The following SNTG1 variants were observed in gnomAD, a reference collection of about 807,000 sequenced individuals.
SNTG1 encodes the protein syntrophin gamma 1.
SNTG1 carries 39 observed loss-of-function variants against 74.7 expected under a neutral mutation model. The observed-to-expected ratio is 0.52, with a 90% CI of 0.40 to 0.68. The LOEUF (loss-of-function observed/expected upper bound fraction) is 0.68, where lower values mean the gene tolerates loss of function less well. Ranked by LOEUF, SNTG1 falls within the 30% of genes least tolerant of loss-of-function variation. The pLI is 0.00. For synonymous variants in SNTG1, 254 were observed against 217.1 expected, an observed-to-expected ratio of 1.17 and a Z score of -1.49; for missense variants, 685 against 609.5, an observed-to-expected ratio of 1.12 and a Z score of -1.30.
chr8:50,428,739 T>G (rs1256613432), intron 4 of SNTG1, among the ~76,000 whole-genome samples: 4 of 152,126 alleles, frequency 2.6e-5, no homozygotes, highest in African/African-American at 9.7e-5. Flanking sequence ...GTGCTGTAAA[T>G]GTGATCTGTA....
At position 50,391,081 on chromosome 8, in the gene SNTG1, G is replaced by T. The variant is rs139209831; in HGVS notation, c.-27-3131G>T. ...CTTTATTTCTTTCTTCTGTCTGATTGCCCTGGCCAGAACTTCCAACACTGT... is the reference window on the plus strand; with the variant it reads ...CTTTATTTCTTTCTTCTGTCTGATTTCCCTGGCCAGAACTTCCAACACTGT... On this transcript the variant is annotated intron_variant, in intron 2 of 18. Coordinates refer to ENST00000642720, the MANE Select transcript of SNTG1 (RefSeq NM_018967.5). Among the ~76,000 whole-genome samples, 1,423 of 152,040 alleles carry T rather than the reference G, an allele frequency of 9.4e-3. 27 individuals carry two copies. The highest frequency in any genetic ancestry group is 0.033 in the African/African-American group (1,349 of 41,444).
chr8:50,226,038 A>G (rs2085311972), intron 2 of SNTG1, among the ~76,000 whole-genome samples: 1 of 152,248 alleles, frequency 6.6e-6, no homozygotes, highest in Non-Finnish European at 1.5e-5. Context: ...AACAAAATGA[A>G]CACAATAGAA....
intron 1 of SNTG1, among the ~76,000 whole-genome samples, chr8:49,978,057 C>G (rs543005969): frequency 6.6e-6 from 1 of 152,292 alleles, no homozygotes; most frequent in South Asian, 2.1e-4. Context: ...GGGCCTGTTG[C>G]CAACCCAGCT....
chr8:50,765,936 A>G lies in SNTG1; in HGVS notation c.1395+13825A>G, dbSNP rs547411858. ...ATAAGAGTAGATTTTATATGAGTAA[A>G]CAATACTGAGGAATTTACGTGGCTT... On this transcript the variant is annotated intron_variant, in intron 18 of 18. Transcript: ENST00000642720. 2.6e-5 allele frequency among the ~76,000 whole-genome samples: 4 copies of G among 152,106 alleles called. No homozygotes were observed. In the East Asian group the frequency reaches 7.8e-4, roughly 30 times the overall value.
At chr8:50,351,000 C>T (rs1210981003) in intron 2 of SNTG1, among the ~76,000 whole-genome samples, 2 of 152,212 alleles carry the variant, frequency 1.3e-5, no homozygotes, top group Non-Finnish European at 2.9e-5. Context: ...GGTGCTCACT[C>T]TTTGGGTCCA....
intron 17 of SNTG1, among the ~76,000 whole-genome samples, chr8:50,727,554 A>C (rs2095503115): frequency 2.6e-5 from 4 of 152,112 alleles, no homozygotes; most frequent in Admixed American, 2.6e-4. Flanking sequence ...TTGGATTCTC[A>C]CTGGCCCTGG....
intron 2 of SNTG1, among the ~76,000 whole-genome samples, chr8:50,296,608 T>G (rs2089387448): frequency 1.3e-5 from 2 of 151,962 alleles, no homozygotes; most frequent in African/African-American, 4.8e-5. Flanking sequence ...CTGGGGCCTG[T>G]CAGGAGGATG....
intron 2 of SNTG1, among the ~76,000 whole-genome samples, chr8:50,374,589 T>C (rs183082489): frequency 7.2e-5 from 11 of 152,304 alleles, no homozygotes; most frequent in African/African-American, 2.6e-4. Context: ...ACTGTAGTAA[T>C]TAGTTAGCTT....
intron 1 of SNTG1, among the ~76,000 whole-genome samples, chr8:49,951,622 C>A (rs1166404623): frequency 7.5e-6 from 1 of 133,724 alleles, no homozygotes; most frequent in African/African-American, 2.7e-5. Flanking sequence ...GTGGGGGGAG[C>A]GGGGAGGGAT....
chr8:50,418,148 T>C (rs1421993454), intron 4 of SNTG1, among the ~76,000 whole-genome samples: 1 of 152,172 alleles, frequency 6.6e-6, no homozygotes, highest in Non-Finnish European at 1.5e-5. Flanking sequence ...AGCAAAGCCA[T>C]TGAAGTGATT....
chr8:50,586,445 C>A (rs763752621), intron 12 of SNTG1, among the ~76,000 whole-genome samples: 3 of 152,078 alleles, frequency 2.0e-5, no homozygotes, highest in Admixed American at 6.5e-5. Context: ...CATTTTAGCT[C>A]CTGTGTTGAA....
chr8:50,080,308 G>C (rs1822288808), intron 1 of SNTG1, among the ~76,000 whole-genome samples: 1 of 152,058 alleles, frequency 6.6e-6, no homozygotes. Flanking sequence ...CAGTTTTAGA[G>C]TATACCATAT....
At chr8:50,406,921 C>G (rs1034141331) in intron 4 of SNTG1, among the ~76,000 whole-genome samples, 2 of 152,108 alleles carry the variant, frequency 1.3e-5, no homozygotes, top group South Asian at 4.1e-4. Flanking sequence ...CTGAGGAAAG[C>G]CAATCTACAA....
At chr8:50,067,625 A>G (rs1036942865) in intron 1 of SNTG1, among the ~76,000 whole-genome samples, 2 of 152,172 alleles carry the variant, frequency 1.3e-5, no homozygotes, top group African/African-American at 4.8e-5. Flanking sequence ...TTAGGTAGTT[A>G]TGACTCATGT....
intron 15 of SNTG1, among the ~76,000 whole-genome samples, chr8:50,660,699 T>C (rs1294725610): frequency 6.6e-6 from 1 of 152,138 alleles, no homozygotes; most frequent in Non-Finnish European, 1.5e-5. Flanking sequence ...TTTTAAATCC[T>C]CTCTTTTAAA....
intron 1 of SNTG1, among the ~76,000 whole-genome samples, chr8:50,131,617 C>T (rs559014210): frequency 6.6e-6 from 1 of 152,172 alleles, no homozygotes; most frequent in African/African-American, 2.4e-5. Flanking sequence ...CATATCTTGG[C>T]TATTGTGAAT....
At chr8:50,671,020 T>G (rs1284014641) in intron 15 of SNTG1, among the ~76,000 whole-genome samples, 4 of 150,676 alleles carry the variant, frequency 2.7e-5, no homozygotes, top group African/African-American at 4.9e-5. Flanking sequence ...ATCCCTTCCT[T>G]ACACCTTATA....
intron 12 of SNTG1, among the ~76,000 whole-genome samples, chr8:50,564,464 G>C (rs573168253): frequency 3.7e-4 from 57 of 152,138 alleles, no homozygotes; most frequent in African/African-American, 1.3e-3. Flanking sequence ...TTCAAAGTTT[G>C]AATAGTTATT....
intron 2 of SNTG1, among the ~76,000 whole-genome samples, chr8:50,213,536 T>G (rs2084625197): frequency 6.6e-6 from 1 of 152,202 alleles, no homozygotes; most frequent in Non-Finnish European, 1.5e-5. Context: ...ATCACAGCAT[T>G]AGAAAAAAAT....
Sources: gnomAD v4.1 joint callset for allele counts (sites outside exome capture counted in the v4.1 genomes callset) on GRCh38, gnomAD v4.1.1 for gene constraint, MANE v1.5 for transcripts, NCBI Gene and HGNC (gene_info 2026-07-23, HGNC 2026-07-21) for gene names.